Variants in DACH1 observed in about 807,000 individuals in gnomAD.
The protein encoded by DACH1 is dachshund family transcription factor 1.
A neutral mutation model predicts 54.2 loss-of-function variants in DACH1; 12 were observed. That is an observed-to-expected ratio of 0.22 (90% confidence interval 0.14 to 0.36). The LOEUF (loss-of-function observed/expected upper bound fraction) is 0.36. DACH1 is among the 10% of genes least tolerant of loss of function. The pLI is 1.00. For synonymous variants in DACH1, 386 were observed against 366.2 expected (o/e 1.05, Z -0.62); for missense variants, 805 against 929.8 (o/e 0.87, Z 1.75).
chr13:71,837,806 A>G (rs1274671097), intron 1 of DACH1, among the ~76,000 whole-genome samples: 6 of 149,094 alleles, frequency 4.0e-5, no homozygotes, highest in East Asian at 5.0e-4. Context: ...CATATACACC[A>G]TGGAATACTA....
At chr13:71,458,453 G>T (rs912340523) in intron 10 of DACH1, among the ~76,000 whole-genome samples, 3 of 151,844 alleles carry the variant, frequency 2.0e-5, no homozygotes, top group Admixed American at 6.6e-5. Flanking sequence ...CAGAAGTACT[G>T]GGTTAAAGTG....
At chr13:71,666,431 C>T (rs8000426) in intron 2 of DACH1, among the ~76,000 whole-genome samples, 133,892 of 152,204 alleles carry the variant, frequency 0.88, 59,820 homozygotes, top group African/African-American at 0.93. Flanking sequence ...CTAACCCATA[C>T]GGTGAGAATT....
chr13:71,641,932 G>C (rs1317300048), intron 2 of DACH1, among the ~76,000 whole-genome samples: 1 of 152,030 alleles, frequency 6.6e-6, no homozygotes, highest in Non-Finnish European at 1.5e-5. Context: ...TATATATCAG[G>C]AAGAATTACC....
At chr13:71,775,320 C>T (rs1054116847) in intron 1 of DACH1, among the ~76,000 whole-genome samples, 6 of 151,328 alleles carry the variant, frequency 4.0e-5, no homozygotes, top group Non-Finnish European at 1.5e-5. Flanking sequence ...CAATTGCCAC[C>T]TCAAATTGAC....
intron 1 of DACH1, among the ~76,000 whole-genome samples, chr13:71,708,694 T>C (rs1245563972): frequency 6.6e-6 from 1 of 152,050 alleles, no homozygotes; most frequent in Non-Finnish European, 1.5e-5. Context: ...ATTCTTGTAA[T>C]ATGGTTTGCA....
chr13:71,708,674 G>A (rs904070927), intron 1 of DACH1, among the ~76,000 whole-genome samples: 14 of 151,806 alleles, frequency 9.2e-5, no homozygotes, highest in African/African-American at 3.1e-4. Context: ...GATTTAAATA[G>A]CCTACAGTGA....
chr13:71,567,486 G>T (rs185710931), intron 4 of DACH1, among the ~76,000 whole-genome samples: 1 of 151,928 alleles, frequency 6.6e-6, no homozygotes, highest in Admixed American at 6.6e-5. Context: ...CACCATAGAA[G>T]TATGACTATA....
intron 6 of DACH1, among the ~76,000 whole-genome samples, chr13:71,551,428 A>G (rs7985787): frequency 0.018 from 2,703 of 152,200 alleles, 84 homozygotes; most frequent in African/African-American, 0.061. Flanking sequence ...CTAACTGTGT[A>G]TTTGGACCCA....
At chr13:71,687,660 T>G (rs1471035633) in intron 1 of DACH1, among the ~76,000 whole-genome samples, 3 of 152,142 alleles carry the variant, frequency 2.0e-5, no homozygotes, top group African/African-American at 7.2e-5. Flanking sequence ...CAGGTTGGAG[T>G]GCCGTGATGT....
At chr13:71,690,707 G>T (rs1881435663) in intron 1 of DACH1, among the ~76,000 whole-genome samples, 3 of 152,294 alleles carry the variant, frequency 2.0e-5, no homozygotes, top group African/African-American at 7.2e-5. Context: ...CAAGGCAGGA[G>T]GATTGCTTGA....
At chr13:71,470,524 T>TCAC (rs1876982471) in intron 10 of DACH1, among the ~76,000 whole-genome samples, 2 of 152,082 alleles carry the variant, frequency 1.3e-5, no homozygotes, top group African/African-American at 4.8e-5. Context: ...AGATGGGGTT[T>TCAC]CACTATGTTG....
At chr13:71,451,167 A>G (rs1469555446) in intron 10 of DACH1, among the ~76,000 whole-genome samples, 1 of 152,178 alleles carries the variant, frequency 6.6e-6, no homozygotes, top group Non-Finnish European at 1.5e-5. Flanking sequence ...GTCACGAATG[A>G]GTGGCCTAAA....
At chr13:71,442,221 T>C (rs1266425438) in intron 10 of DACH1, among the ~76,000 whole-genome samples, 1 of 152,058 alleles carries the variant, frequency 6.6e-6, no homozygotes, top group East Asian at 1.9e-4. Context: ...CAACCATCAT[T>C]CTACACTCTA....
At chr13:71,693,466 CA>C (rs1439939431) in intron 1 of DACH1, among the ~76,000 whole-genome samples, 8 of 137,886 alleles carry the variant, frequency 5.8e-5, no homozygotes, top group African/African-American at 1.8e-4. Context: ...CCACGCCCGG[CA>C]AATTTTTTTT....
rs114563756 is a variant in DACH1 at position 71,865,017 on chromosome 13, G to A, written c.848+905C>T. Among the ~76,000 whole-genome samples the A allele has an allele frequency of 4.9e-3, 743 of 152,226 alleles. 5 individuals are homozygous for A. The highest frequency in any genetic ancestry group is 0.016 in the African/African-American group (680 of 41,526). On this transcript the variant is annotated intron_variant, in intron 1 of 10. Transcript: ENST00000613252. ...AGACAGAGAACTCGAAAGAGAGATCGAGAGAGAGCGCGCTCCGTGGCTTTC... is the reference window on the plus strand; with the variant it reads ...AGACAGAGAACTCGAAAGAGAGATCAAGAGAGAGCGCGCTCCGTGGCTTTC...
chr13:71,539,770 C>A (rs1221215011), intron 6 of DACH1, among the ~76,000 whole-genome samples: 2 of 151,816 alleles, frequency 1.3e-5, no homozygotes, highest in African/African-American at 4.8e-5. Flanking sequence ...AGCACTAAAA[C>A]TTTTATGAAA....
chr13:71,667,498 G>A (rs1476314880), intron 2 of DACH1, among the ~76,000 whole-genome samples: 1 of 151,994 alleles, frequency 6.6e-6, no homozygotes, highest in Non-Finnish European at 1.5e-5. Flanking sequence ...TTAAAATAAT[G>A]GCATTGGTAT....
At chr13:71,805,228 C>G (rs1056929505) in intron 1 of DACH1, among the ~76,000 whole-genome samples, 4 of 151,952 alleles carry the variant, frequency 2.6e-5, no homozygotes, top group Non-Finnish European at 4.4e-5. Flanking sequence ...ATCAAAGTAC[C>G]AGGACATGAC....
chr13:71,697,850 G>A (rs1046508661), intron 1 of DACH1, among the ~76,000 whole-genome samples: 2 of 152,078 alleles, frequency 1.3e-5, no homozygotes, highest in Non-Finnish European at 2.9e-5. Flanking sequence ...GTTAAAATTT[G>A]CTGGCTATTT....
Sources: allele counts gnomAD v4.1 joint callset (sites outside exome capture counted in the v4.1 genomes callset), GRCh38; gene constraint gnomAD v4.1.1; transcripts MANE v1.5; gene names NCBI Gene and HGNC (gene_info 2026-07-23, HGNC 2026-07-21).